CACNA2D3: variants seen among roughly 807,000 people sequenced by gnomAD.
CACNA2D3 encodes calcium voltage-gated channel auxiliary subunit alpha2delta 3.
Under a neutral mutation model 160.6 loss-of-function variants are expected in CACNA2D3, and 60 were observed. The observed-to-expected ratio is 0.37, with a 90% CI of 0.30 to 0.46. The LOEUF (loss-of-function observed/expected upper bound fraction) is 0.46. CACNA2D3 is among the 20% of genes least tolerant of loss of function. The pLI, the probability that CACNA2D3 is intolerant of heterozygous loss-of-function variation, is 1.00. For missense variants in CACNA2D3, 1,205 were observed against 1,365.0 expected (o/e 0.88, Z 1.85); for synonymous variants, 558 against 492.9 (o/e 1.13, Z -1.75).
intron 4 of CACNA2D3, among the ~76,000 whole-genome samples, chr3:54,481,639 G>A (rs1700934573): frequency 6.6e-6 from 1 of 152,324 alleles, no homozygotes; most frequent in South Asian, 2.1e-4. Flanking sequence ...CGGTTGAAAA[G>A]CTAATAGACA....
At chr3:54,452,947 T>G (rs1334983451) in intron 4 of CACNA2D3, among the ~76,000 whole-genome samples, 1 of 152,026 alleles carries the variant, frequency 6.6e-6, no homozygotes, top group African/African-American at 2.4e-5. Context: ...TTTCTATGTC[T>G]TCTTTTTTTC....
At chr3:54,842,029 G>A (rs1442832904) in intron 16 of CACNA2D3, among the ~76,000 whole-genome samples, 5 of 152,172 alleles carry the variant, frequency 3.3e-5, no homozygotes, top group Non-Finnish European at 7.3e-5. Context: ...CAAAATTAGC[G>A]ATTTCATCAG....
chr3:54,199,061 T>C (rs1701130112), intron 2 of CACNA2D3, among the ~76,000 whole-genome samples: 1 of 152,244 alleles, frequency 6.6e-6, no homozygotes, highest in East Asian at 1.9e-4. Flanking sequence ...GTTTTCCTTC[T>C]TCACCTTCTC....
intron 8 of CACNA2D3, among the ~76,000 whole-genome samples, chr3:54,570,962 A>G (rs1702486500): frequency 6.6e-6 from 1 of 152,142 alleles, no homozygotes; most frequent in African/African-American, 2.4e-5. Flanking sequence ...CATGCGCCCA[A>G]GGTAGTTGGG....
At chr3:54,182,307 A>G (rs9809375) in intron 2 of CACNA2D3, among the ~76,000 whole-genome samples, 34,628 of 152,150 alleles carry the variant, frequency 0.23, 4,062 homozygotes, top group African/African-American at 0.26. Flanking sequence ...TGGAAATCCA[A>G]TTTTAGCTTT....
chr3:54,372,693 A>G (rs759042069), intron 3 of CACNA2D3, among the ~76,000 whole-genome samples: 4 of 152,186 alleles, frequency 2.6e-5, no homozygotes, highest in Non-Finnish European at 5.9e-5. Context: ...AGGGTTGACA[A>G]AGGAGAAAGA....
At chr3:54,797,380 A>G (rs1035395228) in intron 13 of CACNA2D3, among the ~76,000 whole-genome samples, 12 of 152,066 alleles carry the variant, frequency 7.9e-5, no homozygotes, top group Non-Finnish European at 5.9e-5. Context: ...GCCACCTCCT[A>G]TTGTACAATT....
intron 12 of CACNA2D3, among the ~76,000 whole-genome samples, chr3:54,763,895 G>T (rs1575464018): frequency 3.9e-4 from 1 of 2,546 alleles, no homozygotes; most frequent in East Asian, 0.011. Context: ...ATATATGTAT[G>T]TGGGGGGGGG....
intron 2 of CACNA2D3, among the ~76,000 whole-genome samples, chr3:54,172,741 A>C (rs1700601632): frequency 6.6e-6 from 1 of 152,248 alleles, no homozygotes; most frequent in Non-Finnish European, 1.5e-5. Context: ...CATTGTTTAC[A>C]ATAACTCTTT....
At chr3:54,452,937 T>C (rs1181423210) in intron 4 of CACNA2D3, among the ~76,000 whole-genome samples, 2 of 152,064 alleles carry the variant, frequency 1.3e-5, no homozygotes, top group African/African-American at 2.4e-5. Flanking sequence ...TTCGTCTGTG[T>C]TTCTATGTCT....
intron 2 of CACNA2D3, among the ~76,000 whole-genome samples, chr3:54,239,803 C>G (rs1404856956): frequency 6.6e-6 from 1 of 152,198 alleles, no homozygotes; most frequent in South Asian, 2.1e-4. Context: ...TTCTTAGTTT[C>G]TAATCCTCTC....
At chr3:54,850,148 C>T (rs1699024519) in intron 17 of CACNA2D3, among the ~76,000 whole-genome samples, 1 of 152,154 alleles carries the variant, frequency 6.6e-6, no homozygotes, top group South Asian at 2.1e-4. Flanking sequence ...TCCTCGCCAC[C>T]AGCTTGTGAC....
At chr3:54,323,031 T>C (rs1283075307) in intron 3 of CACNA2D3, among the ~76,000 whole-genome samples, 1 of 152,188 alleles carries the variant, frequency 6.6e-6, no homozygotes, top group Non-Finnish European at 1.5e-5. Context: ...CAGTGTTATA[T>C]GGATTTCCCC....
chr3:54,891,575 T>C, intron 25 of CACNA2D3, 125 bp downstream of exon 25: 2 of 738,046 alleles, frequency 2.7e-6, no homozygotes, highest in Non-Finnish European at 4.5e-6. Flanking sequence ...CCCAGGCCTA[T>C]TGAGATTTTT....
At chr3:54,406,410 A>G (rs1382481027) in intron 4 of CACNA2D3, among the ~76,000 whole-genome samples, 3 of 152,104 alleles carry the variant, frequency 2.0e-5, no homozygotes, top group Non-Finnish European at 4.4e-5. Context: ...AGAATACTCC[A>G]TTGTGTATAT....
intron 27 of CACNA2D3, among the ~76,000 whole-genome samples, chr3:54,929,629 T>G (rs922340379): frequency 2.0e-5 from 3 of 151,766 alleles, no homozygotes; most frequent in African/African-American, 7.3e-5. Context: ...TGTCCTTCTC[T>G]CCAACATTTT....
At chr3:54,783,669 C>T (rs1702576252) in intron 13 of CACNA2D3, among the ~76,000 whole-genome samples, 2 of 152,050 alleles carry the variant, frequency 1.3e-5, no homozygotes, top group Admixed American at 6.6e-5. Flanking sequence ...TGGAACCTAA[C>T]TTGTCCTGAA....
At chr3:54,310,407 G>C (rs892975585) in intron 2 of CACNA2D3, among the ~76,000 whole-genome samples, 3 of 152,218 alleles carry the variant, frequency 2.0e-5, no homozygotes, top group Non-Finnish European at 4.4e-5. Context: ...AAACGACGCT[G>C]TCTGTAAGGA....
intron 13 of CACNA2D3, among the ~76,000 whole-genome samples, chr3:54,811,030 T>C (rs965486641): frequency 6.6e-6 from 1 of 152,160 alleles, no homozygotes; most frequent in Non-Finnish European, 1.5e-5. Context: ...TGTCCCCGAT[T>C]GAGTCCTGGG....
Sources: gnomAD v4.1 joint callset for allele counts (sites outside exome capture counted in the v4.1 genomes callset) on GRCh38, gnomAD v4.1.1 for gene constraint, MANE v1.5 for transcripts, NCBI Gene and HGNC (gene_info 2026-07-23, HGNC 2026-07-21) for gene names.